Variants in ABCA10 observed in about 807,000 individuals in gnomAD.
The protein encoded by ABCA10 is ATP binding cassette subfamily A member 10.
In ABCA10, 169 loss-of-function variants were observed where a neutral mutation model predicts 187.5. The observed-to-expected ratio is 0.90, with a 90% CI of 0.80 to 1.02. The LOEUF is 1.02. Among genes scored for constraint, ABCA10 ranks in the 50% least tolerant of loss-of-function variants. The pLI is 0.00. For missense variants in ABCA10, 1,727 were observed against 1,812.4 expected, an observed-to-expected ratio of 0.95 and a Z score of 0.86; for synonymous variants, 574 against 601.8, an observed-to-expected ratio of 0.95 and a Z score of 0.68.
intron 2 of ABCA10, among the ~76,000 whole-genome samples, chr17:69,226,506 C>T (rs2058400765): frequency 6.6e-6 from 1 of 151,946 alleles, no homozygotes; most frequent in African/African-American, 2.4e-5. Flanking sequence ...CAAGGCAGAT[C>T]CAGTTATATC....
rs758505167 is a variant in ABCA10 at position 69,193,211 on chromosome 17, G to A, written c.1679C>T (p.Pro560Leu). ...GCTCCACACTCGGTGTCTTGAAAAGGGATCCAATCCAGCAGTTGGTTCATC... is the reference window on the plus strand; with the variant it reads ...GCTCCACACTCGGTGTCTTGAAAAGAGATCCAATCCAGCAGTTGGTTCATC... Reference protein sequence around the residue: ...LLDEPTAGLDPFSRHRVWSLL... With the variant: ...LLDEPTAGLDLFSRHRVWSLL... The change falls in exon 15 of 39, where the codon CCC (proline) becomes CTC (leucine). Residue 560 changes from proline (P) to leucine (L), a missense_variant. Pro to Leu is a moderately conservative substitution (Grantham distance 98). Transcript: ENST00000690296. 28 of 1,613,856 alleles carry A rather than the reference G, an allele frequency of 1.7e-5. No individual in the cohort carries two copies. Among genetic ancestry groups the A allele is most frequent in the Non-Finnish European group, 2.3e-5 (27 of 1,179,962 alleles).
Position 69,148,932 on chromosome 17 carries a change from A to G in ABCA10, c.4534-7T>C. On this transcript the variant is annotated splice_region_variant and splice_polypyrimidine_tract_variant and intron_variant, in intron 38 of 38. Coordinates refer to ENST00000690296, the MANE Select transcript of ABCA10 (RefSeq NM_001377321.1). ...TACAGAGTTCTAAGAATACCTAAGT[A>G]AGAGAAAATAAAAAAGATACAAAAA... 2 of 1,613,052 alleles carry G rather than the reference A, an allele frequency of 1.2e-6. No individual in the cohort carries two copies. The highest frequency in any genetic ancestry group is 2.2e-5 in the South Asian group (2 of 91,024).
At chr17:69,240,929 A>G (rs144741817) in intron 1 of ABCA10, among the ~76,000 whole-genome samples, 1 of 152,312 alleles carries the variant, frequency 6.6e-6, no homozygotes, top group East Asian at 1.9e-4. Flanking sequence ...CACTACTGCT[A>G]GGGCCTTGCT....
At chr17:69,149,946 C>T (rs1420121684) in intron 37 of ABCA10, 38 bp downstream of exon 37, 1 of 1,423,314 alleles carries the variant, frequency 7.0e-7, no homozygotes, top group African/African-American at 1.4e-5. Flanking sequence ...AATATGCAAC[C>T]AATACATAAA....
chr17:69,201,165 T>C (rs1200285726), intron 10 of ABCA10, among the ~76,000 whole-genome samples: 1 of 152,210 alleles, frequency 6.6e-6, no homozygotes, highest in African/African-American at 2.4e-5. Context: ...TTGAAAAACG[T>C]GTATAATATA....
chr17:69,197,142 T>C lies in ABCA10; in HGVS notation c.1176-20A>G. ...CTGATTCTGAAAGAAGATGAAGTAA[T>C]TTTCATGTAAATGCATTTTCTAGTA... On this transcript the variant is annotated intron_variant, in intron 10 of 38. Transcript: ENST00000690296. 6.5e-7 allele frequency: 1 copy of C among 1,549,284 alleles called. No homozygotes were observed. Among genetic ancestry groups the C allele is most frequent in the South Asian group, 1.1e-5 (1 of 88,742 alleles).
At chr17:69,186,692 A>G (rs1193009326) in intron 19 of ABCA10, among the ~76,000 whole-genome samples, 2 of 152,184 alleles carry the variant, frequency 1.3e-5, no homozygotes, top group Non-Finnish European at 2.9e-5. Context: ...ATCTTGGCTT[A>G]AACGTAACAA....
At chr17:69,170,287 CA>C (rs10559540) in intron 25 of ABCA10, among the ~76,000 whole-genome samples, 49,708 of 141,180 alleles carry the variant, frequency 0.35, 9,083 homozygotes, top group South Asian at 0.44. Context: ...GATTCCGTCT[CA>C]AAAAAAAAAA....
intron 22 of ABCA10, among the ~76,000 whole-genome samples, chr17:69,177,955 CAAAAAA>C (rs11320201): frequency 0.012 from 809 of 64,988 alleles, 32 homozygotes; most frequent in African/African-American, 0.038. Flanking sequence ...GACTCCATTT[CAAAAAA>C]AAAAAAAAAA....
chr17:69,227,892 T>C (rs1279769306), intron 1 of ABCA10, among the ~76,000 whole-genome samples: 1 of 151,958 alleles, frequency 6.6e-6, no homozygotes, highest in Non-Finnish European at 1.5e-5. Context: ...AAACCAAAAA[T>C]ATTGGCTAAT....
chr17:69,228,023 T>C (rs557447617), intron 1 of ABCA10, among the ~76,000 whole-genome samples: 1 of 152,142 alleles, frequency 6.6e-6, no homozygotes, highest in East Asian at 1.9e-4. Flanking sequence ...TAAATGTTGA[T>C]ATTATATACA....
At chr17:69,209,893 T>C (rs1183245637) in intron 9 of ABCA10, among the ~76,000 whole-genome samples, 1 of 152,078 alleles carries the variant, frequency 6.6e-6, no homozygotes, top group African/African-American at 2.4e-5. Flanking sequence ...TATCTAAACA[T>C]AGAAAAGGTA....
chr17:69,163,169 T>C (rs1319389391), intron 27 of ABCA10, among the ~76,000 whole-genome samples: 1 of 152,128 alleles, frequency 6.6e-6, no homozygotes, highest in Non-Finnish European at 1.5e-5. Context: ...CAACTTTTAG[T>C]TCCATTTTCC....
At chr17:69,149,262 C>T in intron 37 of ABCA10, 174 bp from the exon 38 acceptor site, 1 of 632,888 alleles carries the variant, frequency 1.6e-6, no homozygotes, top group East Asian at 2.8e-5. Flanking sequence ...AAAAGATAGC[C>T]ATGCATGAAC....
intron 9 of ABCA10, among the ~76,000 whole-genome samples, chr17:69,214,440 G>A (rs912464766): frequency 4.6e-5 from 7 of 150,960 alleles, no homozygotes; most frequent in Admixed American, 2.6e-4. Flanking sequence ...GCGTGAACCC[G>A]GGAGGCGGAG....
intron 9 of ABCA10, among the ~76,000 whole-genome samples, chr17:69,212,923 G>A (rs2074671525): frequency 6.6e-6 from 1 of 152,130 alleles, no homozygotes; most frequent in African/African-American, 2.4e-5. Flanking sequence ...TATCTTTTAA[G>A]TGGCACATTT....
intron 25 of ABCA10, among the ~76,000 whole-genome samples, chr17:69,171,214 G>A (rs1431844883): frequency 6.6e-6 from 1 of 152,138 alleles, no homozygotes; most frequent in African/African-American, 2.4e-5. Flanking sequence ...ACGACAAGTA[G>A]AAATGTTGTT....
intron 22 of ABCA10, among the ~76,000 whole-genome samples, chr17:69,181,322 G>A (rs568036614): frequency 2.0e-5 from 3 of 152,094 alleles, no homozygotes; most frequent in Non-Finnish European, 4.4e-5. Context: ...AAGTAAATAC[G>A]CATTGAGTAC....
chr17:69,181,995 C>T (rs1014422013), intron 22 of ABCA10, among the ~76,000 whole-genome samples, 158 bp downstream of exon 22: 1 of 151,992 alleles, frequency 6.6e-6, no homozygotes, highest in Non-Finnish European at 1.5e-5. Context: ...CTATTACGCT[C>T]CCTACTTTGC....
Sources: gnomAD v4.1 joint callset for allele counts (sites outside exome capture counted in the v4.1 genomes callset) on GRCh38, gnomAD v4.1.1 for gene constraint, MANE v1.5 for transcripts, NCBI Gene and HGNC (gene_info 2026-07-23, HGNC 2026-07-21) for gene names.